ERBB4: variants seen among roughly 807,000 people sequenced by gnomAD.
ERBB4 encodes erb-b2 receptor tyrosine kinase 4.
In ERBB4, 42 loss-of-function variants were observed where a neutral mutation model predicts 158.0. The ratio of observed to expected loss-of-function variants is 0.27; its 90% confidence interval spans 0.21 to 0.34. The LOEUF (loss-of-function observed/expected upper bound fraction) is 0.34, where lower values mean the gene tolerates loss of function less well. Among genes scored for constraint, ERBB4 ranks in the 10% least tolerant of loss-of-function variants. The pLI is 1.00. For synonymous variants in ERBB4, 583 were observed against 558.7 expected (o/e 1.04, Z -0.61); for missense variants, 1,333 against 1,624.1 (o/e 0.82, Z 3.08).
At chr2:211,454,221 A>G (rs1343113358) in intron 20 of ERBB4, among the ~76,000 whole-genome samples, 2 of 152,196 alleles carry the variant, frequency 1.3e-5, no homozygotes, top group Non-Finnish European at 2.9e-5. Context: ...AAAATTATGT[A>G]TTGACTAAAT....
intron 1 of ERBB4, among the ~76,000 whole-genome samples, chr2:212,516,698 T>C (rs971533715): frequency 3.3e-5 from 5 of 152,116 alleles, no homozygotes; most frequent in African/African-American, 1.2e-4. Context: ...GTTGTGGATA[T>C]TTAAAGAGTT....
chr2:212,191,551 TGCCTGTTATATATAAC>T (rs2082201301), intron 1 of ERBB4, among the ~76,000 whole-genome samples: 1 of 132,110 alleles, frequency 7.6e-6, no homozygotes. Context: ...ACATGTGTTA[TGCCTGTTATATATAAC>T]ACATGTGTTA....
At chr2:211,946,769 C>A (rs895381400) in intron 3 of ERBB4, among the ~76,000 whole-genome samples, 3 of 151,536 alleles carry the variant, frequency 2.0e-5, no homozygotes, top group Non-Finnish European at 4.4e-5. Flanking sequence ...GCTATGTGAA[C>A]TGAAAAGTAA....
chr2:211,598,149 G>T (rs1379754065), intron 19 of ERBB4, among the ~76,000 whole-genome samples: 1 of 151,938 alleles, frequency 6.6e-6, no homozygotes, highest in African/African-American at 2.4e-5. Context: ...TTTAGACCAC[G>T]CATCTCTCCA....
chr2:211,584,195 C>A (rs1292535737), intron 19 of ERBB4, among the ~76,000 whole-genome samples: 1 of 151,628 alleles, frequency 6.6e-6, no homozygotes. Context: ...AAACATGTCT[C>A]TGGTTTTGTT....
At chr2:212,391,639 TATA>T (rs1242936347) in intron 1 of ERBB4, among the ~76,000 whole-genome samples, 2 of 122,568 alleles carry the variant, frequency 1.6e-5, no homozygotes, top group Non-Finnish European at 1.7e-5. Context: ...TATATTGACA[TATA>T]ATATTATATA....
At position 211,810,635 on chromosome 2, in the gene ERBB4, C is replaced by T. The variant is rs143564209; in HGVS notation, c.422-22476G>A. 3.4e-3 allele frequency among the ~76,000 whole-genome samples: 497 copies of T among 147,894 alleles called. 9 individuals are homozygous for T. In the East Asian group the frequency reaches 0.042, roughly 13 times the overall value. On this transcript the variant is annotated intron_variant, in intron 3 of 27. Transcript: ENST00000342788. Reference sequence around the variant, plus strand: ...AATACAACACACTGATGGGTCTTGACTCTTTATCCAATTTGCCAGTCTCTG... The same window carrying T: ...AATACAACACACTGATGGGTCTTGATTCTTTATCCAATTTGCCAGTCTCTG...
chr2:211,901,551 G>T (rs1337540057), intron 3 of ERBB4, among the ~76,000 whole-genome samples: 1 of 152,082 alleles, frequency 6.6e-6, no homozygotes, highest in East Asian at 1.9e-4. Context: ...GGGTAACTCT[G>T]CCATAACTCT....
chr2:211,645,419 T>C lies in ERBB4; in HGVS notation c.1946+12335A>G, dbSNP rs187466799. 4.0e-3 allele frequency among the ~76,000 whole-genome samples: 601 copies of C among 151,776 alleles called. 7 individuals carry two copies. Among genetic ancestry groups the C allele is most frequent in the African/African-American group, 0.014 (569 of 41,480 alleles). ...AGGATCAAAGCCATCCTGTGAATTG[T>C]TTATATATATATATTCTTATTCCTC... On this transcript the variant is annotated intron_variant, in intron 16 of 27. Transcript: ENST00000342788.
chr2:212,311,469 G>T (rs548942114), intron 1 of ERBB4, among the ~76,000 whole-genome samples: 65 of 150,840 alleles, frequency 4.3e-4, no homozygotes, highest in African/African-American at 1.5e-3. Context: ...GAAAAGAACA[G>T]GCTGTTGACT....
At chr2:212,155,585 C>T (rs962476749) in intron 1 of ERBB4, among the ~76,000 whole-genome samples, 1 of 152,048 alleles carries the variant, frequency 6.6e-6, no homozygotes, top group African/African-American at 2.4e-5. Flanking sequence ...ATCATGCATA[C>T]TGTAACCCAA....
chr2:212,531,230 G>A (rs900987103), intron 1 of ERBB4, among the ~76,000 whole-genome samples: 3 of 152,040 alleles, frequency 2.0e-5, no homozygotes, highest in Non-Finnish European at 2.9e-5. Flanking sequence ...TCTTTCACAT[G>A]GGCCCATGAG....
intron 1 of ERBB4, among the ~76,000 whole-genome samples, chr2:212,523,515 A>C (rs1053520741): frequency 2.0e-5 from 3 of 151,914 alleles, no homozygotes; most frequent in African/African-American, 7.3e-5. Flanking sequence ...AGAAGTGTGA[A>C]TATCTAATAT....
At chr2:211,424,380 G>A in intron 22 of ERBB4, 79 bp from the exon 23 acceptor site, 3 of 962,086 alleles carry the variant, frequency 3.1e-6, no homozygotes. Context: ...AGTAGTAAAA[G>A]AATACTCCTT....
At chr2:211,497,378 A>G (rs2125584173) in intron 20 of ERBB4, among the ~76,000 whole-genome samples, 1 of 152,244 alleles carries the variant, frequency 6.6e-6, no homozygotes, top group South Asian at 2.1e-4. Context: ...AGTACTTTCA[A>G]AAGTACAGAA....
At chr2:211,414,477 C>G (rs1162626633) in intron 25 of ERBB4, among the ~76,000 whole-genome samples, 1 of 122,330 alleles carries the variant, frequency 8.2e-6, no homozygotes, top group Non-Finnish European at 1.6e-5. Context: ...GCCTGGGTGA[C>G]AGAGCCAAGA....
chr2:211,508,721 T>C (rs2065813300), intron 20 of ERBB4, among the ~76,000 whole-genome samples: 1 of 152,114 alleles, frequency 6.6e-6, no homozygotes, highest in Non-Finnish European at 1.5e-5. Context: ...ATATGTGTAT[T>C]ACTATTTACA....
At chr2:211,484,361 C>T (rs1277735563) in intron 20 of ERBB4, among the ~76,000 whole-genome samples, 1 of 151,920 alleles carries the variant, frequency 6.6e-6, no homozygotes, top group African/African-American at 2.4e-5. Flanking sequence ...GATGGTAGAT[C>T]TAAATCTAGT....
At chr2:212,141,153 T>C (rs1338348688) in intron 1 of ERBB4, among the ~76,000 whole-genome samples, 1 of 151,888 alleles carries the variant, frequency 6.6e-6, no homozygotes, top group Non-Finnish European at 1.5e-5. Flanking sequence ...CAAGATGAAA[T>C]ACTTATATGC....
Sources: allele counts gnomAD v4.1 joint callset (sites outside exome capture counted in the v4.1 genomes callset), GRCh38; gene constraint gnomAD v4.1.1; transcripts MANE v1.5; gene names NCBI Gene and HGNC (gene_info 2026-07-23, HGNC 2026-07-21).